Variants in SPTLC1 observed in about 807,000 individuals in gnomAD.
The protein encoded by SPTLC1 is serine palmitoyltransferase long chain base subunit 1.
Under a neutral mutation model 68.9 loss-of-function variants are expected in SPTLC1, and 55 were observed. That is an observed-to-expected ratio of 0.80 (90% CI 0.64 to 1.00). SPTLC1 has a LOEUF of 1.00. SPTLC1 is among the 50% of genes least tolerant of loss of function. SPTLC1 has a pLI of 0.00. For missense variants in SPTLC1, 449 were observed against 573.1 expected, an observed-to-expected ratio of 0.78 and a Z score of 2.21; for synonymous variants, 197 against 201.6, an observed-to-expected ratio of 0.98 and a Z score of 0.19.
intron 5 of SPTLC1, chr9:92,079,621 C>G: frequency 2.1e-6 from 3 of 1,455,086 alleles, no homozygotes; most frequent in Non-Finnish European, 2.9e-6. Flanking sequence ...CCCAGGCAAT[C>G]TGCTCTCCAC....
At chr9:92,095,196 G>A (rs927046447) in intron 3 of SPTLC1, among the ~76,000 whole-genome samples, 2 of 152,178 alleles carry the variant, frequency 1.3e-5, no homozygotes, top group Non-Finnish European at 2.9e-5. Context: ...TAGATGAAGT[G>A]ATGCTCAAAG....
Position 92,068,074 on chromosome 9 carries a change from C to T in SPTLC1, c.452G>A (p.Arg151His), listed in dbSNP as rs45461899. The part of the protein sequence containing the change: ...TFDVHLDLED[R>H]LAKFMKTEEA... ...TTCTGTCTTCATAAATTTTGCCAGG[C>T]GGTCTTCCAAATCCAAATGAACATC... Residue 151 changes from arginine (R) to histidine (H), a missense_variant, in exon 6 of 15, where the codon CGC becomes CAC. Physicochemically the swap from Arg to His is conservative, Grantham distance 29 (BLOSUM62 0). Around this residue, in one of 3 missense-constraint regions of SPTLC1, gnomAD observed 391 missense variants for 472.1 expected, o/e 0.83. Coordinates refer to ENST00000262554, the MANE Select transcript of SPTLC1 (RefSeq NM_006415.4). The T allele has an allele frequency of 5.2e-5, 84 of 1,613,772 alleles. No individual in the cohort carries two copies. In the East Asian group the frequency reaches 1.3e-3, roughly 25 times the overall value.
rs757565623 is a variant in SPTLC1 at position 92,055,511 on chromosome 9, G to A, written c.691-17C>T. On this transcript the variant is annotated splice_polypyrimidine_tract_variant and intron_variant, in intron 7 of 14. Transcript: ENST00000262554. ...GCGAGGATTCTTTAAAAGAGAAAAA[G>A]CAGACATCTTACATTTCAGTAACTC... 3 of 1,611,036 alleles carry A rather than the reference G, an allele frequency of 1.9e-6. No individual in the cohort carries two copies. The South Asian group carries it at 3.3e-5, about 18-fold the overall frequency.
At position 92,101,494 on chromosome 9, in the gene SPTLC1, G is replaced by A. The variant is rs565651395; in HGVS notation, c.260+7246C>T. Among the ~76,000 whole-genome samples, 19 of 146,354 alleles carry A rather than the reference G, an allele frequency of 1.3e-4. No individual in the cohort carries two copies. In the East Asian group the frequency reaches 2.6e-3, roughly 20 times the overall value. Reference sequence around the variant, plus strand: ...GGAGAATGGCGTGAACCTGGGAGGCGGAGCTTGCAGTGAGCCGAGATCGTG... The same window carrying A: ...GGAGAATGGCGTGAACCTGGGAGGCAGAGCTTGCAGTGAGCCGAGATCGTG... On this transcript the variant is annotated intron_variant, in intron 3 of 14. Transcript: ENST00000262554.
intron 3 of SPTLC1, among the ~76,000 whole-genome samples, chr9:92,087,104 A>C (rs1835171897): frequency 6.6e-6 from 1 of 152,042 alleles, no homozygotes; most frequent in African/African-American, 2.4e-5. Flanking sequence ...CAGCTCCTTT[A>C]AGCACTTCTC....
intron 3 of SPTLC1, among the ~76,000 whole-genome samples, chr9:92,098,166 C>T (rs1266907456): frequency 6.6e-6 from 1 of 152,248 alleles, no homozygotes; most frequent in Non-Finnish European, 1.5e-5. Flanking sequence ...CGCTTATTCC[C>T]GCCATCCTGA....
intron 3 of SPTLC1, chr9:92,104,719 C>A (rs1170875158): frequency 3.3e-6 from 5 of 1,530,462 alleles, no homozygotes; most frequent in Non-Finnish European, 4.4e-6. Flanking sequence ...GGCAGGAGGA[C>A]AATAAAAGGG....
At chr9:92,104,793 C>T (rs1388263612) in intron 3 of SPTLC1, 13 of 1,533,506 alleles carry the variant, frequency 8.5e-6, no homozygotes, top group Middle Eastern at 2.3e-4. Flanking sequence ...GGAAACCTCA[C>T]TTCCTCCTGG....
intron 3 of SPTLC1, among the ~76,000 whole-genome samples, chr9:92,104,145 G>A (rs528258210): frequency 2.0e-4 from 31 of 152,290 alleles, no homozygotes; most frequent in East Asian, 1.7e-3. Flanking sequence ...GGGTGACTTC[G>A]GAGTATCCTC....
intron 1 of SPTLC1, among the ~76,000 whole-genome samples, chr9:92,112,934 C>T (rs1836301012): frequency 6.6e-6 from 1 of 152,006 alleles, no homozygotes; most frequent in Non-Finnish European, 1.5e-5. Context: ...ATGGAGAAAC[C>T]CTGTCTCTAT....
intron 14 of SPTLC1, 113 bp downstream of exon 14, chr9:92,034,697 C>A (rs1220296669): frequency 2.6e-5 from 22 of 860,510 alleles, no homozygotes; most frequent in Non-Finnish European, 4.2e-5. Context: ...ATTTTAATGA[C>A]AGATATTCTT....
intron 2 of SPTLC1, chr9:92,111,840 G>A (rs1836259796): frequency 6.5e-6 from 1 of 152,980 alleles, no homozygotes; most frequent in Admixed American, 6.5e-5. Flanking sequence ...TACACTGCTA[G>A]AAATACCATG....
intron 5 of SPTLC1, among the ~76,000 whole-genome samples, chr9:92,068,976 C>G (rs1834386127): frequency 6.6e-6 from 1 of 152,170 alleles, no homozygotes; most frequent in African/African-American, 2.4e-5. Flanking sequence ...GGACCCAACC[C>G]TGGAGGACTA....
At chr9:92,112,152 A>C (rs1373152537) in intron 2 of SPTLC1, among the ~76,000 whole-genome samples, 2 of 152,158 alleles carry the variant, frequency 1.3e-5, no homozygotes, top group Admixed American at 6.5e-5. Context: ...AGCAACTCAC[A>C]CAACACTTAT....
chr9:92,035,875 A>G (rs1833123951), intron 13 of SPTLC1, among the ~76,000 whole-genome samples: 1 of 152,244 alleles, frequency 6.6e-6, no homozygotes, highest in Non-Finnish European at 1.5e-5. Flanking sequence ...GAACTCCTGC[A>G]AACATCTGGA....
chr9:92,042,956 G>A lies in SPTLC1; in HGVS notation c.1136+3043C>T, dbSNP rs78170160. Among the ~76,000 whole-genome samples the A allele has an allele frequency of 6.6e-5, 10 of 152,322 alleles. No homozygotes were observed. In the East Asian group the frequency reaches 1.9e-3, roughly 29 times the overall value. On this transcript the variant is annotated intron_variant, in intron 12 of 14. Transcript: ENST00000262554. ...AGATGTTATTCAGAAATTGATCTCA[G>A]TAATCTTAAACTGAAATATTCTTCT... is the stretch of plus-strand genomic sequence containing the variant.
intron 13 of SPTLC1, among the ~76,000 whole-genome samples, chr9:92,037,601 C>T (rs1833187389): frequency 6.6e-6 from 1 of 152,128 alleles, no homozygotes; most frequent in Non-Finnish European, 1.5e-5. Context: ...ACCCGCGTGC[C>T]CAGGGCAGGA....
At chr9:92,092,744 A>C (rs542464198) in intron 3 of SPTLC1, among the ~76,000 whole-genome samples, 35 of 152,246 alleles carry the variant, frequency 2.3e-4, no homozygotes, top group African/African-American at 7.0e-4. Flanking sequence ...CCCTCCCCCC[A>C]AAAAAAGTAT....
chr9:92,078,584 G>A (rs775075958), intron 5 of SPTLC1, among the ~76,000 whole-genome samples: 1 of 152,168 alleles, frequency 6.6e-6, no homozygotes, highest in Non-Finnish European at 1.5e-5. Context: ...TCCGCCACCT[G>A]TGTAGCTGGG....
Sources: allele counts gnomAD v4.1 joint callset (sites outside exome capture counted in the v4.1 genomes callset), GRCh38; gene constraint gnomAD v4.1.1; regional missense constraint gnomAD v4.1.1; transcripts MANE v1.5; gene names NCBI Gene and HGNC (gene_info 2026-07-23, HGNC 2026-07-21).